GDI2: variants seen among roughly 807,000 people sequenced by gnomAD.
GDI2 encodes GDP dissociation inhibitor 2.
GDI2 carries 22 observed loss-of-function variants against 54.2 expected under a neutral mutation model. That is an observed-to-expected ratio of 0.41 (90% CI 0.29 to 0.58). The LOEUF (loss-of-function observed/expected upper bound fraction) is 0.58. Among genes scored for constraint, GDI2 ranks in the 20% least tolerant of loss-of-function variants. The probability of loss-of-function intolerance (pLI) is 0.35; values close to 1 mark genes in which losing one functional copy is unlikely to be tolerated. For missense variants in GDI2, 422 were observed against 546.0 expected (o/e 0.77, Z 2.26); for synonymous variants, 177 against 182.1 (o/e 0.97, Z 0.23).
At chr10:5,794,188 A>AAATATATATAT (rs1448053813) in intron 4 of GDI2, among the ~76,000 whole-genome samples, 3 of 40,348 alleles carry the variant, frequency 7.4e-5, no homozygotes, top group Non-Finnish European at 1.3e-4. Flanking sequence ...AAAAAAAAAA[A>AAATATATATAT]ATATATATAT....
chr10:5,784,997 ATATGT>A (rs1460310201), intron 6 of GDI2, 140 bp downstream of exon 6: 1 of 459,748 alleles, frequency 2.2e-6, no homozygotes, highest in Non-Finnish European at 3.7e-6. Flanking sequence ...GCATATCATT[ATATGT>A]TAATTTTATT....
Position 5,776,539 on chromosome 10 carries a change from G to C in GDI2, c.720-2598C>G. The C allele has an allele frequency of 6.5e-7, 1 of 1,547,618 alleles. No individual in the cohort carries two copies. The highest frequency in any genetic ancestry group is 8.9e-7 in the Non-Finnish European group (1 of 1,123,080). Reference sequence around the variant, plus strand: ...ACAATTATAGAGAAGCAGATTTGAAGAGGCATGTGGAATTCCTTGTGGCTG... The same window carrying C: ...ACAATTATAGAGAAGCAGATTTGAACAGGCATGTGGAATTCCTTGTGGCTG... On this transcript the variant is annotated intron_variant, in intron 6 of 10. Transcript: ENST00000380191. The surrounding 1 kb of genome is among the most constrained non-coding windows in gnomAD (Gnocchi z 5.3).
At position 5,768,868 on chromosome 10, in the gene GDI2, T is replaced by C. The variant is rs1840419187; in HGVS notation, c.820-484A>G. On this transcript the variant is annotated intron_variant, in intron 7 of 10. Transcript: ENST00000380191. This position sits in a 1 kb window ranked among gnomAD's most constrained non-coding sequence, Gnocchi z 4.4. ...TGTGGTATCTAAAACTATAAAACTC[T>C]TAGGAGAAAACAGTGCAAAAGCTTC... is the stretch of plus-strand genomic sequence containing the variant. The C allele has an allele frequency of 6.6e-6, 1 of 152,546 alleles. No homozygotes were observed. The highest frequency in any genetic ancestry group is 2.1e-4 in the South Asian group (1 of 4,852). 9.4% of individuals were successfully genotyped at this position (152,546 alleles called of 1,614,324 possible). A position where few individuals can be genotyped will look rare whatever the true frequency, so the allele number is the denominator to read the frequency against.
intron 1 of GDI2, among the ~76,000 whole-genome samples, chr10:5,801,004 G>A (rs1429971810): frequency 6.6e-6 from 1 of 151,854 alleles, no homozygotes; most frequent in African/African-American, 2.4e-5. Context: ...AGGCAGGAGT[G>A]CAATGGCGCA....
chr10:5,774,307 T>C lies in GDI2; in HGVS notation c.720-366A>G, dbSNP rs958111616. Among the ~76,000 whole-genome samples, 7 of 152,180 alleles carry C rather than the reference T, an allele frequency of 4.6e-5. No homozygotes were observed. Among genetic ancestry groups the C allele is most frequent in the Non-Finnish European group, 1.0e-4 (7 of 68,024 alleles). On this transcript the variant is annotated intron_variant, in intron 6 of 10. Transcript: ENST00000380191. This position sits in a 1 kb window ranked among gnomAD's most constrained non-coding sequence, Gnocchi z 4.8. ...TCTACCTTATGCCCCTTGGTCATTC[T>C]TTCTTCTGAGGAGAAAAGAACTGAG...
Position 5,768,128 on chromosome 10 carries a change from T to C in GDI2, c.991+85A>G, listed in dbSNP as rs1840402009. 3 of 1,163,444 alleles carry C rather than the reference T, an allele frequency of 2.6e-6. No homozygotes were observed. Among genetic ancestry groups the C allele is most frequent in the East Asian group, 2.3e-5 (1 of 42,666 alleles). The allele number at this position is 1,163,444 out of a possible 1,614,324, so 72.1% of individuals were successfully genotyped here. A position where few individuals can be genotyped will look rare whatever the true frequency, so the allele number is the denominator to read the frequency against. On this transcript the variant is annotated intron_variant, in intron 8 of 10. Transcript: ENST00000380191. The surrounding 1 kb of genome is among the most constrained non-coding windows in gnomAD (Gnocchi z 4.4). ...CCAAGGTCTGTTCACTAATACAGCATACAAAATTAGGAATTTGGGATAAAA... is the reference window on the plus strand; with the variant it reads ...CCAAGGTCTGTTCACTAATACAGCACACAAAATTAGGAATTTGGGATAAAA...
intron 4 of GDI2, among the ~76,000 whole-genome samples, chr10:5,789,280 G>A (rs1424553153): frequency 1.3e-5 from 2 of 151,460 alleles, no homozygotes; most frequent in African/African-American, 4.9e-5. Flanking sequence ...TCTATTTCTT[G>A]TAGATACAGG....
chr10:5,788,766 G>GTT (rs145169610), intron 4 of GDI2, among the ~76,000 whole-genome samples: 58 of 147,466 alleles, frequency 3.9e-4, no homozygotes, highest in African/African-American at 6.7e-4. Flanking sequence ...AGGTTTGCAT[G>GTT]TTTTTTTTTT....
In GDI2 at chr10:5,813,288, G is replaced by C; in HGVS notation, c.-30C>G. The C allele has an allele frequency of 6.4e-7, 1 of 1,552,126 alleles. No homozygotes were observed. The highest frequency in any genetic ancestry group is 1.2e-5 in the South Asian group (1 of 85,578). On this transcript the variant is annotated 5_prime_UTR_variant, in exon 1 of 11. Coordinates refer to ENST00000380191, the MANE Select transcript of GDI2 (RefSeq NM_001494.4). ...GGGCAGGCGCGGACGCAGGACCCGAGCAAGGAAAAGGCGCAGGGGCTCCGT... is the reference window on the plus strand; with the variant it reads ...GGGCAGGCGCGGACGCAGGACCCGACCAAGGAAAAGGCGCAGGGGCTCCGT...
intron 1 of GDI2, among the ~76,000 whole-genome samples, chr10:5,805,569 C>G (rs1197837865): frequency 6.6e-6 from 1 of 151,978 alleles, no homozygotes; most frequent in East Asian, 1.9e-4. Context: ...TTTGTAGCAA[C>G]AGGATATCAC....
chr10:5,776,657 G>A lies in GDI2; in HGVS notation c.720-2716C>T. 1.4e-6 allele frequency: 2 copies of A among 1,472,802 alleles called. No individual in the cohort carries two copies. The highest frequency in any genetic ancestry group is 1.9e-6 in the Non-Finnish European group (2 of 1,057,434). 91.2% of individuals were successfully genotyped at this position (1,472,802 alleles called of 1,614,324 possible). On this transcript the variant is annotated intron_variant, in intron 6 of 10. Coordinates refer to ENST00000380191, the MANE Select transcript of GDI2 (RefSeq NM_001494.4). This position sits in a 1 kb window ranked among gnomAD's most constrained non-coding sequence, Gnocchi z 5.3. ...AATAGAAAAGGAGCTGGATGTAGATGCTGATTTTGTAGAAAAGTCAGAGTT... is the reference window on the plus strand; with the variant it reads ...AATAGAAAAGGAGCTGGATGTAGATACTGATTTTGTAGAAAAGTCAGAGTT...
At chr10:5,785,767 T>C in intron 5 of GDI2, 85 bp downstream of exon 5, 1 of 830,292 alleles carries the variant, frequency 1.2e-6, no homozygotes, top group Admixed American at 2.0e-5. Context: ...TAAGTATTTG[T>C]TTTGTTAGAA....
At chr10:5,796,667 T>C in intron 3 of GDI2, 96 bp downstream of exon 3, 1 of 688,002 alleles carries the variant, frequency 1.5e-6, no homozygotes, top group African/African-American at 1.8e-5. Flanking sequence ...CAAAATCCAG[T>C]TCCTCATACC....
rs371354006 is a variant in GDI2, at chr10:5,780,213, AAAAAAAAC to A, written c.719+4921_719+4928del. On this transcript the variant is annotated intron_variant, in intron 6 of 10. Transcript: ENST00000380191. Reference sequence around the variant, plus strand: ...GACAGAGTAAGATCGTGTCTCCAAAAAAAAAAACAAACAAACAAACAAACAAAAAAACA... The same window carrying A: ...GACAGAGTAAGATCGTGTCTCCAAAAAAACAAACAAACAAACAAAAAAACA... 8.0e-3 allele frequency among the ~76,000 whole-genome samples: 1,073 copies of A among 134,642 alleles called. 3 individuals are homozygous for A. Among genetic ancestry groups the A allele is most frequent in the Non-Finnish European group, 0.012 (709 of 59,596 alleles). 88.3% of individuals were successfully genotyped at this position (134,642 alleles called of 152,430 possible). A position where few individuals can be genotyped will look rare whatever the true frequency, so the allele number is the denominator to read the frequency against.
intron 1 of GDI2, among the ~76,000 whole-genome samples, chr10:5,807,863 T>C (rs1377485058): frequency 6.6e-6 from 1 of 152,196 alleles, no homozygotes; most frequent in Non-Finnish European, 1.5e-5. Context: ...CTGAAGAGGC[T>C]GAATGAAATT....
intron 1 of GDI2, among the ~76,000 whole-genome samples, chr10:5,803,284 T>C (rs1226594427): frequency 6.6e-6 from 1 of 152,120 alleles, no homozygotes; most frequent in African/African-American, 2.4e-5. Flanking sequence ...TAGCTGGGTG[T>C]GGTGGTGAGC....
intron 7 of GDI2, among the ~76,000 whole-genome samples, chr10:5,771,104 ATC>A (rs746829110): frequency 2.6e-5 from 4 of 152,086 alleles, no homozygotes; most frequent in Non-Finnish European, 5.9e-5. Flanking sequence ...CTTGAATATA[ATC>A]TGTTATCTTC....
chr10:5,811,885 A>G, intron 1 of GDI2: 1 of 1,092,778 alleles, frequency 9.2e-7, no homozygotes, highest in Non-Finnish European at 1.2e-6. Flanking sequence ...TTTCCTAAAA[A>G]ATTAGCCAAA....
At chr10:5,771,322 C>T (rs1003448178) in intron 7 of GDI2, among the ~76,000 whole-genome samples, 4 of 152,152 alleles carry the variant, frequency 2.6e-5, no homozygotes, top group Admixed American at 2.0e-4. Flanking sequence ...CCTGGCTCTA[C>T]CTAACCTCAA....
Sources: gnomAD v4.1 joint callset for allele counts (sites outside exome capture counted in the v4.1 genomes callset) on GRCh38, gnomAD v4.1.1 for gene constraint, Gnocchi (gnomAD v3.1) non-coding constraint, MANE v1.5 for transcripts, NCBI Gene and HGNC (gene_info 2026-07-23, HGNC 2026-07-21) for gene names.